Variants in GLI2 observed in about 807,000 individuals in gnomAD.
GLI2 encodes GLI family zinc finger 2, also known as transcription activator GLI2.
GLI2 carries 22 observed loss-of-function variants against 78.9 expected under a neutral mutation model. The ratio of observed to expected loss-of-function variants is 0.28; its 90% CI spans 0.20 to 0.40. The LOEUF is 0.40. Ranked by LOEUF, GLI2 falls within the 10% of genes least tolerant of loss-of-function variation. The pLI, the probability that GLI2 is intolerant of heterozygous loss-of-function variation, is 1.00. For synonymous variants in GLI2, 974 were observed against 963.7 expected, an observed-to-expected ratio of 1.01 and a Z score of -0.20; for missense variants, 2,097 against 2,213.2, an observed-to-expected ratio of 0.95 and a Z score of 1.05.
chr2:120,927,586 A>C, intron 3 of GLI2, 120 bp downstream of exon 3: 1 of 778,716 alleles, frequency 1.3e-6, no homozygotes, highest in Admixed American at 1.8e-5. Context: ...CCTGATCTAC[A>C]TTGTCCTGAG....
intron 1 of GLI2, among the ~76,000 whole-genome samples, chr2:120,794,477 G>A (rs1684292034): frequency 6.6e-6 from 1 of 152,176 alleles, no homozygotes; most frequent in Non-Finnish European, 1.5e-5. Flanking sequence ...TGAAGCACAG[G>A]GAATTACCTG....
intron 1 of GLI2, among the ~76,000 whole-genome samples, chr2:120,774,608 A>G (rs898954402): frequency 5.9e-5 from 9 of 152,184 alleles, no homozygotes; most frequent in African/African-American, 1.4e-4. Context: ...CTGTTTTACT[A>G]TACAGGAAAA....
intron 4 of GLI2, 43 bp downstream of exon 4, chr2:120,951,488 G>A: frequency 1.5e-6 from 2 of 1,321,604 alleles, no homozygotes; most frequent in South Asian, 1.2e-5. Context: ...TAGGGCACTG[G>A]GGCAGGGCGC....
intron 1 of GLI2, among the ~76,000 whole-genome samples, chr2:120,740,108 A>T (rs1028277948): frequency 1.1e-5 from 1 of 88,152 alleles, no homozygotes; most frequent in Non-Finnish European, 2.7e-5. Context: ...ATCAAGAATT[A>T]AAAAAAAAAT....
intron 9 of GLI2, among the ~76,000 whole-genome samples, chr2:120,977,901 A>C (rs778655759): frequency 1.3e-5 from 2 of 152,216 alleles, no homozygotes; most frequent in Non-Finnish European, 2.9e-5. Flanking sequence ...AAATAGAGAT[A>C]AGCATGTGTT....
chr2:120,814,933 C>T (rs1274253503), intron 2 of GLI2, among the ~76,000 whole-genome samples: 1 of 152,034 alleles, frequency 6.6e-6, no homozygotes, highest in Admixed American at 6.5e-5. Context: ...GCGTGATGGT[C>T]CTGGAGATCC....
chr2:120,822,368 C>T (rs565815047), intron 2 of GLI2, among the ~76,000 whole-genome samples: 9 of 152,288 alleles, frequency 5.9e-5, no homozygotes, highest in Admixed American at 2.6e-4. Flanking sequence ...TTTTCAGAAG[C>T]GTGTTAGGAA....
At chr2:120,930,708 A>G (rs1188502665) in intron 3 of GLI2, among the ~76,000 whole-genome samples, 1 of 152,206 alleles carries the variant, frequency 6.6e-6, no homozygotes, top group African/African-American at 2.4e-5. Context: ...GTCTGTGTCT[A>G]TGTGTGCCAC....
Position 120,951,424 on chromosome 2 carries a change from A to G in GLI2, c.436A>G (p.Arg146Gly). 6.2e-7 allele frequency: 1 copy of G among 1,612,448 alleles called. No individual in the cohort carries two copies. The highest frequency in any genetic ancestry group is 1.1e-5 in the South Asian group (1 of 91,026). Residue 146 changes from arginine to glycine, a missense_variant, in exon 4 of 14, where the codon AGG becomes GGG. By Grantham distance (125) the Arg-to-Gly change is moderately radical. Coordinates refer to ENST00000361492, the MANE Select transcript of GLI2 (RefSeq NM_001374353.1). Reference sequence around the variant, plus strand: ...CACGCTCTCCATGATCTCTGCAGCCAGGGGCCTCAGCCCCGCTGATGGTGA... The same window carrying G: ...CACGCTCTCCATGATCTCTGCAGCCGGGGGCCTCAGCCCCGCTGATGGTGA... ...SPTLSMISAA[R>G]GLSPADVAQE...
At chr2:120,773,432 TG>T (rs1683579570) in intron 1 of GLI2, among the ~76,000 whole-genome samples, 1 of 151,908 alleles carries the variant, frequency 6.6e-6, no homozygotes, top group African/African-American at 2.4e-5. Context: ...CAGGCAGGGA[TG>T]GGAAAGCCGT....
chr2:120,937,978 C>T (rs1680275484), intron 3 of GLI2, among the ~76,000 whole-genome samples: 1 of 152,208 alleles, frequency 6.6e-6, no homozygotes, highest in African/African-American at 2.4e-5. Flanking sequence ...CCGCTCCCCA[C>T]AAACCCCACT....
intron 7 of GLI2, 109 bp from the exon 8 acceptor site, chr2:120,971,832 T>C: frequency 1.1e-6 from 1 of 938,672 alleles, no homozygotes; most frequent in Non-Finnish European, 1.8e-6. Context: ...AAACACAGGG[T>C]TAGCCCAGAT....
chr2:120,901,514 G>A (rs1331456918), intron 2 of GLI2, among the ~76,000 whole-genome samples: 1 of 152,188 alleles, frequency 6.6e-6, no homozygotes, highest in African/African-American at 2.4e-5. Flanking sequence ...AGGTCTTCCT[G>A]GCCCCAGCCC....
chr2:120,874,285 T>C (rs1573517281), intron 2 of GLI2, among the ~76,000 whole-genome samples: 1 of 152,246 alleles, frequency 6.6e-6, no homozygotes, highest in Admixed American at 6.5e-5. Flanking sequence ...ATCGGCTGGG[T>C]GTTATGAAAC....
At chr2:120,741,669 C>G (rs1402981207) in intron 1 of GLI2, among the ~76,000 whole-genome samples, 1 of 152,090 alleles carries the variant, frequency 6.6e-6, no homozygotes, top group African/African-American at 2.4e-5. Flanking sequence ...GGCTTTTCCG[C>G]CACGCGGAGC....
intron 5 of GLI2, among the ~76,000 whole-genome samples, chr2:120,964,019 C>T (rs531619650): frequency 3.5e-4 from 54 of 152,244 alleles, no homozygotes; most frequent in African/African-American, 8.4e-4. Context: ...CACCTGTATT[C>T]GAGTGTTGGG....
In GLI2 at chr2:120,840,570, C is replaced by T. The variant is rs149402823; in HGVS notation, c.148+43102C>T. 3.3e-5 allele frequency among the ~76,000 whole-genome samples: 5 copies of T among 152,246 alleles called. No homozygotes were observed. The East Asian group carries it at 9.6e-4, about 29-fold the overall frequency. On this transcript the variant is annotated intron_variant, in intron 2 of 13. Transcript: ENST00000361492. ...ACAGATGTGAGATCAATTTTGTATT[C>T]TTTTGATAGCTTAGGGGTCCTGGAC...
intron 2 of GLI2, among the ~76,000 whole-genome samples, chr2:120,889,280 C>T (rs1035076587): frequency 2.6e-5 from 4 of 152,290 alleles, no homozygotes; most frequent in African/African-American, 9.6e-5. Context: ...TCAACTCATA[C>T]CCCACCTTGA....
intron 2 of GLI2, among the ~76,000 whole-genome samples, chr2:120,828,494 A>T (rs1485564989): frequency 6.6e-6 from 1 of 152,212 alleles, no homozygotes; most frequent in African/African-American, 2.4e-5. Context: ...GACTGAGGTT[A>T]TTTTGGGAAG....
Sources: allele counts gnomAD v4.1 joint callset (sites outside exome capture counted in the v4.1 genomes callset), GRCh38; gene constraint gnomAD v4.1.1; transcripts MANE v1.5; gene names NCBI Gene and HGNC (gene_info 2026-07-23, HGNC 2026-07-21).